IPCEF1: variants seen among roughly 807,000 people sequenced by gnomAD.
IPCEF1 encodes interactor protein for cytohesin exchange factors 1.
A neutral mutation model predicts 50.9 loss-of-function variants in IPCEF1; 31 were observed. The ratio of observed to expected loss-of-function variants is 0.61; its 90% CI spans 0.46 to 0.82. The LOEUF (loss-of-function observed/expected upper bound fraction) is 0.82. Ranked by LOEUF, IPCEF1 falls within the 40% of genes least tolerant of loss-of-function variation. The pLI is 0.00. For synonymous variants in IPCEF1, 181 were observed against 192.0 expected (o/e 0.94, Z 0.47); for missense variants, 458 against 514.0 (o/e 0.89, Z 1.05).
At chr6:154,163,276 T>G (rs1422140423) in intron 11 of IPCEF1, among the ~76,000 whole-genome samples, 1 of 152,204 alleles carries the variant, frequency 6.6e-6, no homozygotes, top group Non-Finnish European at 1.5e-5. Context: ...TGCTCTTCCT[T>G]AAATGCCCTA....
At chr6:154,345,230 T>C (rs140359490) in intron 1 of IPCEF1, among the ~76,000 whole-genome samples, 2 of 152,232 alleles carry the variant, frequency 1.3e-5, no homozygotes, top group African/African-American at 4.8e-5. Context: ...AGTAAGATAT[T>C]TGTAGTAACT....
intron 5 of IPCEF1, among the ~76,000 whole-genome samples, chr6:154,236,903 C>A (rs1780179602): frequency 6.6e-6 from 1 of 152,162 alleles, no homozygotes; most frequent in Non-Finnish European, 1.5e-5. Context: ...TGCAGCGTGC[C>A]TTTTCCTTGC....
rs1387873278 is a variant in IPCEF1, at chr6:154,300,136, C to G, written c.-61-10380G>C. 1.4e-5 allele frequency among the ~76,000 whole-genome samples: 2 copies of G among 141,686 alleles called. 1 individual carries two copies. The highest frequency in any genetic ancestry group is 3.2e-5 in the Non-Finnish European group (2 of 63,128). 93.0% of individuals were successfully genotyped at this position (141,686 alleles called of 152,430 possible). The stretch of plus-strand genomic sequence containing the variant: ...AAAGGAAAGAACAATTACTTTACAA[C>G]TTCATGAAAGCTGAAATGCAGGCAG... On this transcript the variant is annotated intron_variant, in intron 1 of 11. Coordinates refer to ENST00000367220, the MANE Select transcript of IPCEF1 (RefSeq NM_001130700.2).
chr6:154,347,835 T>C (rs1459758530), intron 1 of IPCEF1, among the ~76,000 whole-genome samples: 1 of 152,008 alleles, frequency 6.6e-6, no homozygotes, highest in Non-Finnish European at 1.5e-5. Context: ...GAGTGGACAG[T>C]GGTTTGGTGC....
intron 5 of IPCEF1, among the ~76,000 whole-genome samples, chr6:154,243,873 C>T (rs957396821): frequency 2.0e-5 from 3 of 152,160 alleles, no homozygotes; most frequent in Admixed American, 6.5e-5. Context: ...CAACTACTAC[C>T]TCTCAGGGTG....
intron 1 of IPCEF1, among the ~76,000 whole-genome samples, chr6:154,313,072 A>AAAAAAAAAC (rs1223971807): frequency 4.0e-5 from 6 of 148,738 alleles, no homozygotes; most frequent in Non-Finnish European, 5.9e-5. Flanking sequence ...TGTCTCAAAA[A>AAAAAAAAAC]AAAAAAAAAA....
intron 1 of IPCEF1, among the ~76,000 whole-genome samples, chr6:154,321,614 C>T (rs2696360): frequency 0.29 from 44,125 of 151,248 alleles, 6,810 homozygotes; most frequent in Non-Finnish European, 0.34. Flanking sequence ...CCCATCTTTA[C>T]TAAAAATACA....
At chr6:154,170,393 C>G (rs1799778137) in intron 10 of IPCEF1, among the ~76,000 whole-genome samples, 1 of 152,166 alleles carries the variant, frequency 6.6e-6, no homozygotes, top group South Asian at 2.1e-4. Context: ...CAAAACCAAG[C>G]AAACTTCACA....
intron 2 of IPCEF1, among the ~76,000 whole-genome samples, chr6:154,266,585 T>TATATACAC (rs71021035): frequency 2.9e-5 from 4 of 135,686 alleles, no homozygotes; most frequent in Admixed American, 7.5e-5. Context: ...TATATATATA[T>TATATACAC]ACACACAAAC....
chr6:154,283,464 G>A (rs1046669772), intron 2 of IPCEF1, among the ~76,000 whole-genome samples: 1 of 150,948 alleles, frequency 6.6e-6, no homozygotes. Flanking sequence ...CAGGTGCGGT[G>A]GTGGGCCCCT....
At chr6:154,277,044 A>G (rs1024213673) in intron 2 of IPCEF1, among the ~76,000 whole-genome samples, 1 of 152,230 alleles carries the variant, frequency 6.6e-6, no homozygotes, top group Non-Finnish European at 1.5e-5. Context: ...GCTCTCAGAA[A>G]GAGACACTGA....
chr6:154,229,669 T>TA (rs1018927589), intron 5 of IPCEF1, among the ~76,000 whole-genome samples: 29 of 152,148 alleles, frequency 1.9e-4, no homozygotes, highest in South Asian at 1.0e-3. Flanking sequence ...TGTCAGTTTC[T>TA]AAAAAAAGTA....
intron 10 of IPCEF1, among the ~76,000 whole-genome samples, chr6:154,195,984 G>T (rs9384187): frequency 0.049 from 7,450 of 151,830 alleles, 299 homozygotes; most frequent in South Asian, 0.19. Flanking sequence ...TAGAGACAGG[G>T]TTTTACTATG....
At chr6:154,321,348 A>G (rs773820493) in intron 1 of IPCEF1, among the ~76,000 whole-genome samples, 1 of 152,104 alleles carries the variant, frequency 6.6e-6, no homozygotes, top group Non-Finnish European at 1.5e-5. Flanking sequence ...TATTTGTATA[A>G]ATAAAACCTA....
chr6:154,246,394 T>C (rs561516451), intron 5 of IPCEF1, among the ~76,000 whole-genome samples, 197 bp downstream of exon 5: 1 of 152,328 alleles, frequency 6.6e-6, no homozygotes, highest in South Asian at 2.1e-4. Flanking sequence ...TCAAACAGGA[T>C]GGGTTTCTTC....
chr6:154,216,611 T>G (rs1468253288), intron 7 of IPCEF1, among the ~76,000 whole-genome samples: 1 of 152,240 alleles, frequency 6.6e-6, no homozygotes, highest in African/African-American at 2.4e-5. Context: ...GGCTCACACC[T>G]GTAATCCCAG....
chr6:154,339,608 T>A lies in IPCEF1; in HGVS notation c.-62+17064A>T, dbSNP rs1054890761. Among the ~76,000 whole-genome samples, 49 of 151,520 alleles carry A rather than the reference T, an allele frequency of 3.2e-4. 1 individual carries two copies. The highest frequency in any genetic ancestry group is 3.2e-3 in the Admixed American group (48 of 15,210). On this transcript the variant is annotated intron_variant, in intron 1 of 11. Transcript: ENST00000367220. The stretch of plus-strand genomic sequence containing the variant: ...GTTTGTTTGTTTGTTTGTTTGTTTT[T>A]TGAGAGGTTCTCGCTCTGTTACCCA...
intron 7 of IPCEF1, among the ~76,000 whole-genome samples, chr6:154,216,180 C>T (rs1373324908): frequency 6.6e-6 from 1 of 151,846 alleles, no homozygotes; most frequent in Non-Finnish European, 1.5e-5. Context: ...ATGTTCACTG[C>T]CAACAAGGCT....
At chr6:154,339,010 AC>A (rs1479974644) in intron 1 of IPCEF1, among the ~76,000 whole-genome samples, 1 of 152,202 alleles carries the variant, frequency 6.6e-6, no homozygotes, top group Non-Finnish European at 1.5e-5. Context: ...TGCACAAAAA[AC>A]AACATACAGC....
Sources: gnomAD v4.1 joint callset for allele counts (sites outside exome capture counted in the v4.1 genomes callset) on GRCh38, gnomAD v4.1.1 for gene constraint, MANE v1.5 for transcripts, NCBI Gene and HGNC (gene_info 2026-07-23, HGNC 2026-07-21) for gene names.